DIAPH2: variants seen among roughly 807,000 people sequenced by gnomAD.
DIAPH2 encodes protein diaphanous homolog 2.
Under a neutral mutation model 92.7 loss-of-function variants are expected in DIAPH2, and 35 were observed. That is an observed-to-expected ratio of 0.38 (90% confidence interval 0.29 to 0.50). The LOEUF (loss-of-function observed/expected upper bound fraction) is 0.50. Ranked by LOEUF, DIAPH2 falls within the 20% of genes least tolerant of loss-of-function variation. The probability of loss-of-function intolerance (pLI) is 0.94; values close to 1 mark genes in which losing one functional copy is unlikely to be tolerated. For missense variants in DIAPH2, 701 were observed against 819.5 expected (o/e 0.86, Z 1.77); for synonymous variants, 301 against 280.4 (o/e 1.07, Z -0.73).
At chrX:97,241,807 C>G (rs184102923) in intron 22 of DIAPH2, among the ~76,000 whole-genome samples, 1,970 of 86,734 alleles carry the variant, frequency 0.023, 67 homozygotes, top group African/African-American at 0.086. Flanking sequence ...GACGGAGTCT[C>G]ACTCTTTTGC....
chrX:97,515,113 C>T (rs1219838565), intron 26 of DIAPH2, among the ~76,000 whole-genome samples: 1 of 112,329 alleles, frequency 8.9e-6, no homozygotes, highest in Admixed American at 9.4e-5. Flanking sequence ...CCCAGCCTCG[C>T]TGCTGCCTTG....
At position 97,599,392 on chromosome X, in the gene DIAPH2, C is replaced by T. The variant is rs1416744223; in HGVS notation, c.*75C>T. On this transcript the variant is annotated 3_prime_UTR_variant, in exon 27 of 27. Transcript: ENST00000324765. The stretch of plus-strand genomic sequence containing the variant: ...CATTTTGAGAAGAACAAAGTGTGCA[C>T]TCAGCGGCTGGAAAGGAAATAAGTG... 6.9e-6 allele frequency: 5 copies of T among 724,468 alleles called. No homozygotes were observed. Among genetic ancestry groups the T allele is most frequent in the Non-Finnish European group, 1.0e-5 (5 of 491,916 alleles). The allele number at this position is 724,468 out of a possible 1,213,427, so 59.7% of individuals were successfully genotyped here.
intron 22 of DIAPH2, among the ~76,000 whole-genome samples, chrX:97,147,643 A>C (rs2067256771): frequency 9.0e-6 from 1 of 111,590 alleles, no homozygotes; most frequent in Non-Finnish European, 1.9e-5. Flanking sequence ...ATGTATTTGA[A>C]GGTATTATTT....
chrX:97,415,929 T>C (rs778039519), intron 25 of DIAPH2, among the ~76,000 whole-genome samples: 2 of 111,461 alleles, frequency 1.8e-5, no homozygotes, highest in South Asian at 7.6e-4. Flanking sequence ...GAAACTGAGA[T>C]AACTTCCCAG....
rs944980796 is a variant in DIAPH2, at chrX:97,602,276, T to TAAG, written c.*2960_*2962dup. 2 of 112,200 alleles carry TAAG rather than the reference T, an allele frequency of 1.8e-5. No homozygotes were observed. The highest frequency in any genetic ancestry group is 9.4e-5 in the Admixed American group (1 of 10,606). The allele number at this position is 112,200 out of a possible 1,213,427, so 9.2% of individuals were successfully genotyped here. On this transcript the variant is annotated 3_prime_UTR_variant, in exon 27 of 27. Transcript: ENST00000324765. ...AAGTCTCAACCCATTATATCAATCC[T>TAAG]AAGTCCAAAATTTCATTCAAATATC...
At chrX:97,361,686 G>A (rs1407031179) in intron 24 of DIAPH2, among the ~76,000 whole-genome samples, 1 of 112,067 alleles carries the variant, frequency 8.9e-6, no homozygotes, top group Non-Finnish European at 1.9e-5. Context: ...TGCCATCCTT[G>A]GCATGTTGGC....
intron 3 of DIAPH2, among the ~76,000 whole-genome samples, chrX:96,745,543 T>C (rs1035471348): frequency 8.9e-6 from 1 of 112,291 alleles, no homozygotes; most frequent in Non-Finnish European, 1.9e-5. Flanking sequence ...CAACAGCAGT[T>C]CTCATTGGAT....
intron 19 of DIAPH2, among the ~76,000 whole-genome samples, chrX:97,085,416 T>G (rs1043918418): frequency 2.7e-5 from 3 of 109,808 alleles, no homozygotes; most frequent in African/African-American, 9.9e-5. Context: ...TAGAATAATT[T>G]TTGTTTGTTT....
chrX:97,337,983 G>A (rs780746721), intron 23 of DIAPH2, among the ~76,000 whole-genome samples: 11 of 106,274 alleles, frequency 1.0e-4, no homozygotes, highest in African/African-American at 1.4e-4. Context: ...AGCAATTCTC[G>A]TGCCTCAGCC....
intron 17 of DIAPH2, among the ~76,000 whole-genome samples, chrX:97,023,121 A>C (rs1162782150): frequency 8.9e-6 from 1 of 111,869 alleles, no homozygotes; most frequent in African/African-American, 3.3e-5. Context: ...TTTATTTGAT[A>C]ATTTGGGTTT....
chrX:96,811,577 G>C (rs942457718), intron 4 of DIAPH2, among the ~76,000 whole-genome samples: 10 of 111,734 alleles, frequency 8.9e-5, no homozygotes, highest in South Asian at 3.8e-4. Flanking sequence ...AGTGGTGAGA[G>C]AGGGCATCCC....
At chrX:96,980,152 G>A (rs188505033) in intron 17 of DIAPH2, among the ~76,000 whole-genome samples, 3 of 111,780 alleles carry the variant, frequency 2.7e-5, no homozygotes, top group African/African-American at 9.7e-5. Flanking sequence ...CAGAGAGTCA[G>A]TGTAACAGTC....
At chrX:96,692,080 T>G in intron 1 of DIAPH2, among the ~76,000 whole-genome samples, 1 of 112,290 alleles carries the variant, frequency 8.9e-6, no homozygotes, top group East Asian at 2.8e-4. Flanking sequence ...AGAAATAAAC[T>G]TTTAAACTTC....
At chrX:97,083,600 A>G (rs2066762923) in intron 19 of DIAPH2, among the ~76,000 whole-genome samples, 1 of 111,180 alleles carries the variant, frequency 9.0e-6, no homozygotes, top group Admixed American at 9.6e-5. Context: ...TAGCAGCTCC[A>G]CCACCAGTTG....
intron 26 of DIAPH2, among the ~76,000 whole-genome samples, chrX:97,563,573 A>C (rs1971228388): frequency 8.9e-6 from 1 of 111,819 alleles, no homozygotes; most frequent in Non-Finnish European, 1.9e-5. Flanking sequence ...CTAAAGTAGG[A>C]GAGTTTGCAG....
At chrX:96,727,321 C>G (rs1466477635) in intron 1 of DIAPH2, among the ~76,000 whole-genome samples, 2 of 112,357 alleles carry the variant, frequency 1.8e-5, no homozygotes, top group Non-Finnish European at 3.8e-5. Flanking sequence ...ATACCATTTT[C>G]TCCATGTCTG....
intron 23 of DIAPH2, among the ~76,000 whole-genome samples, chrX:97,291,352 CGCACCACT>C (rs2068589057): frequency 9.0e-6 from 1 of 110,720 alleles, no homozygotes; most frequent in African/African-American, 3.3e-5. Flanking sequence ...GAGCCGAGAT[CGCACCACT>C]GCATTCCAGC....
chrX:97,484,453 A>G (rs2070673509), intron 26 of DIAPH2, among the ~76,000 whole-genome samples: 1 of 112,468 alleles, frequency 8.9e-6, no homozygotes, highest in Admixed American at 9.4e-5. Flanking sequence ...ATATCAATAC[A>G]TAGTCAATAT....
chrX:96,782,782 C>T (rs1203249380), intron 4 of DIAPH2, among the ~76,000 whole-genome samples: 1 of 111,006 alleles, frequency 9.0e-6, no homozygotes, highest in East Asian at 2.8e-4. Context: ...GCTTACAGAA[C>T]GTGCCGGCTA....
Sources: gnomAD v4.1 joint callset for allele counts (sites outside exome capture counted in the v4.1 genomes callset) on GRCh38, gnomAD v4.1.1 for gene constraint, MANE v1.5 for transcripts, NCBI Gene and HGNC (gene_info 2026-07-23, HGNC 2026-07-21) for gene names.